Variants in DPF3 observed in about 807,000 individuals in gnomAD.
The protein encoded by DPF3 is zinc finger protein DPF3.
In DPF3, 18 loss-of-function variants were observed where a neutral mutation model predicts 56.8. The observed-to-expected ratio is 0.32, with a 90% CI of 0.22 to 0.47. The LOEUF (loss-of-function observed/expected upper bound fraction) is 0.47. Ranked by LOEUF, DPF3 falls within the 20% of genes least tolerant of loss-of-function variation. The pLI, the probability that DPF3 is intolerant of heterozygous loss-of-function variation, is 1.00. For synonymous variants in DPF3, 188 were observed against 180.2 expected, an observed-to-expected ratio of 1.04 and a Z score of -0.35; for missense variants, 403 against 488.8, an observed-to-expected ratio of 0.82 and a Z score of 1.65.
intron 7 of DPF3, among the ~76,000 whole-genome samples, chr14:72,691,970 A>G (rs967448740): frequency 6.6e-6 from 1 of 152,138 alleles, no homozygotes; most frequent in Admixed American, 6.5e-5. Context: ...GCAAACCCAT[A>G]AAGAAGGCAA....
intron 3 of DPF3, among the ~76,000 whole-genome samples, chr14:72,744,343 G>A (rs941716074): frequency 3.3e-5 from 5 of 151,834 alleles, no homozygotes; most frequent in African/African-American, 9.7e-5. Context: ...TGCAATCATG[G>A]CTCACTGCAG....
chr14:72,886,850 A>G (rs1475862915), intron 1 of DPF3, among the ~76,000 whole-genome samples: 6 of 152,046 alleles, frequency 3.9e-5, no homozygotes, highest in Non-Finnish European at 8.8e-5. Context: ...AGTCCAGTCT[A>G]GTCTTGGCTA....
chr14:72,612,583 G>GAA lies in DPF3; in HGVS notation c.*6712_*6713dup, dbSNP rs10649920. ...ATCTATCACGGCAGAGGGAAGGGAG[G>GAA]AAACAGTGCAGGGAAGGGAGAGGGC... On this transcript the variant is annotated 3_prime_UTR_variant, in exon 11 of 11. Coordinates refer to ENST00000556509, the MANE Select transcript of DPF3 (RefSeq NM_001280542.3). 300,826 of 518,194 alleles carry GAA rather than the reference G, an allele frequency of 0.58. 92,103 individuals are homozygous for GAA. Among genetic ancestry groups the GAA allele is most frequent in the East Asian group, 0.99 (18,107 of 18,318 alleles). 32.1% of individuals were successfully genotyped at this position (518,194 alleles called of 1,614,324 possible). A position where few individuals can be genotyped will look rare whatever the true frequency, so the allele number is the denominator to read the frequency against.
intron 8 of DPF3, chr14:72,670,938 T>C: frequency 7.7e-7 from 1 of 1,300,498 alleles, no homozygotes; most frequent in East Asian, 3.6e-5. Flanking sequence ...TTCAGTAGTT[T>C]GTGCTTCTGT....
In DPF3 at chr14:72,879,471, A is replaced by C. The variant is rs533679818; in HGVS notation, c.32+14586T>G. On this transcript the variant is annotated intron_variant, in intron 1 of 10. Coordinates refer to ENST00000556509, the MANE Select transcript of DPF3 (RefSeq NM_001280542.3). ...CTAACTAACTCCTGTCAATTATTTC[A>C]GTGACTGAGAGAGAAGAGTATGTTC... is the stretch of plus-strand genomic sequence containing the variant. 2.0e-5 allele frequency among the ~76,000 whole-genome samples: 3 copies of C among 152,060 alleles called. No homozygotes were observed. The East Asian group carries it at 5.8e-4, about 29-fold the overall frequency.
At chr14:72,715,391 T>C (rs1220003888) in intron 5 of DPF3, among the ~76,000 whole-genome samples, 1 of 152,088 alleles carries the variant, frequency 6.6e-6, no homozygotes, top group Non-Finnish European at 1.5e-5. Context: ...ACTGGTCACG[T>C]GTATAGCACC....
At chr14:72,858,863 T>A (rs1214171720) in intron 1 of DPF3, among the ~76,000 whole-genome samples, 1 of 152,224 alleles carries the variant, frequency 6.6e-6, no homozygotes, top group African/African-American at 2.4e-5. Flanking sequence ...TTTACTTTTA[T>A]GTGTTGCTTG....
chr14:72,868,598 CA>C lies in DPF3; in HGVS notation c.32+25458del, dbSNP rs778838027. Reference sequence around the variant, plus strand: ...CCTCCTGTAGGTAGTCCTCAGAGGACACCTTGAGAAAACCAAAGGAAAAGCA... The same window carrying C: ...CCTCCTGTAGGTAGTCCTCAGAGGACCCTTGAGAAAACCAAAGGAAAAGCA... On this transcript the variant is annotated intron_variant, in intron 1 of 10. Transcript: ENST00000556509. 4.6e-5 allele frequency among the ~76,000 whole-genome samples: 7 copies of C among 152,116 alleles called. No individual in the cohort carries two copies. In the South Asian group the frequency reaches 1.2e-3, roughly 27 times the overall value.
At chr14:72,628,429 T>G (rs367730125) in intron 9 of DPF3, among the ~76,000 whole-genome samples, 2 of 152,102 alleles carry the variant, frequency 1.3e-5, no homozygotes, top group Non-Finnish European at 2.9e-5. Context: ...AAATGAAAGA[T>G]TGGGCAAGTT....
At chr14:72,682,616 G>A (rs887015850) in intron 7 of DPF3, among the ~76,000 whole-genome samples, 1 of 152,156 alleles carries the variant, frequency 6.6e-6, no homozygotes, top group Non-Finnish European at 1.5e-5. Context: ...ACTGAACTCT[G>A]TCTGCAAGGG....
intron 8 of DPF3, among the ~76,000 whole-genome samples, chr14:72,645,961 G>A (rs1156410960): frequency 6.6e-6 from 1 of 152,142 alleles, no homozygotes; most frequent in Non-Finnish European, 1.5e-5. Context: ...ATCCCCTGGG[G>A]GCTGGTTAGA....
Position 72,746,534 on chromosome 14 carries a change from T to C in DPF3, c.301+6730A>G, listed in dbSNP as rs1433992611. On this transcript the variant is annotated intron_variant, in intron 3 of 10. Coordinates refer to ENST00000556509, the MANE Select transcript of DPF3 (RefSeq NM_001280542.3). ...CTGTTTACCCAAAGAGGGGAACAAGTTCCTCTGAGAAGGTGCTCTGCCATG... is the reference window on the plus strand; with the variant it reads ...CTGTTTACCCAAAGAGGGGAACAAGCTCCTCTGAGAAGGTGCTCTGCCATG... Among the ~76,000 whole-genome samples, 4 of 152,188 alleles carry C rather than the reference T, an allele frequency of 2.6e-5. 1 individual carries two copies. Among genetic ancestry groups the C allele is most frequent in the Admixed American group, 2.6e-4 (4 of 15,284 alleles).
intron 7 of DPF3, chr14:72,675,918 C>T (rs964509102): frequency 1.1e-4 from 16 of 152,162 alleles, no homozygotes; most frequent in African/African-American, 3.9e-4. Context: ...AATGCTTTTG[C>T]AAATAATCTC....
intron 1 of DPF3, among the ~76,000 whole-genome samples, chr14:72,788,524 T>C (rs1326193905): frequency 1.3e-5 from 2 of 152,152 alleles, no homozygotes; most frequent in Non-Finnish European, 2.9e-5. Context: ...ACAGATTATC[T>C]GGGGAATTTA....
At chr14:72,872,803 C>G (rs1474212557) in intron 1 of DPF3, among the ~76,000 whole-genome samples, 5 of 152,062 alleles carry the variant, frequency 3.3e-5, no homozygotes, top group Non-Finnish European at 2.9e-5. Context: ...ACAAACCTGA[C>G]AAAAACAAGC....
At chr14:72,733,406 T>A (rs1349964366) in intron 3 of DPF3, among the ~76,000 whole-genome samples, 1 of 151,980 alleles carries the variant, frequency 6.6e-6, no homozygotes, top group South Asian at 2.1e-4. Context: ...CAGGTGGGTT[T>A]TGGGCAGGGG....
Position 72,753,312 on chromosome 14 carries a change from A to T in DPF3, c.253T>A (p.Leu85Met). The T allele has an allele frequency of 6.2e-7, 1 of 1,613,364 alleles. No homozygotes were observed. Residue 85 changes from leucine (L) to methionine (M), a missense_variant, in exon 3 of 11, where the codon TTG becomes ATG. Physicochemically the swap from Leu to Met is conservative, Grantham distance 15. Around this residue, in one of 2 missense-constraint regions of DPF3, gnomAD observed 340 missense variants for 374.3 expected, o/e 0.91. Transcript: ENST00000556509. The part of the protein sequence containing the change: ...PARCWRKKRR[L>M]HPPEDPKLRL... ...AGTTTTGGATCTTCAGGTGGGTGCA[A>T]TCGTCTCTTCTTGCGCCAGCAGCGG...
intron 7 of DPF3, among the ~76,000 whole-genome samples, chr14:72,678,818 A>G (rs966234778): frequency 2.0e-5 from 3 of 152,206 alleles, no homozygotes; most frequent in Non-Finnish European, 4.4e-5. Flanking sequence ...TAAGAGATAC[A>G]AGTAAGTTGC....
chr14:72,715,833 G>C (rs2332915), intron 5 of DPF3, among the ~76,000 whole-genome samples: 52,230 of 139,692 alleles, frequency 0.37, 10,052 homozygotes, highest in Middle Eastern at 0.54. Flanking sequence ...CCTCCCACCA[G>C]TCTCCCTCCC....
Sources: allele counts gnomAD v4.1 joint callset (sites outside exome capture counted in the v4.1 genomes callset), GRCh38; gene constraint gnomAD v4.1.1; regional missense constraint gnomAD v4.1.1; transcripts MANE v1.5; gene names NCBI Gene and HGNC (gene_info 2026-07-23, HGNC 2026-07-21).